Variants in PGR observed in about 807,000 individuals in gnomAD.
The protein encoded by PGR is progesterone receptor.
PGR carries 25 observed loss-of-function variants against 76.1 expected under a neutral mutation model. The ratio of observed to expected loss-of-function variants is 0.33; its 90% CI spans 0.24 to 0.46. PGR has a LOEUF of 0.46. Ranked by LOEUF, PGR falls within the 20% of genes least tolerant of loss-of-function variation. The pLI is 1.00. For missense variants in PGR, 1,172 were observed against 1,225.3 expected, an observed-to-expected ratio of 0.96 and a Z score of 0.65; for synonymous variants, 579 against 535.0, an observed-to-expected ratio of 1.08 and a Z score of -1.14.
Position 101,030,301 on chromosome 11 carries a change from TC to T in PGR, c.*8814del, listed in dbSNP as rs1256665996. The T allele has an allele frequency of 4.4e-6, 1 of 224,720 alleles. No homozygotes were observed. The highest frequency in any genetic ancestry group is 6.5e-5 in the East Asian group (1 of 15,420). The allele number at this position is 224,720 out of a possible 1,614,324, so 13.9% of individuals were successfully genotyped here. Reference sequence around the variant, plus strand: ...ACTTCAACACAAAAAAATGTGAATATCTACCATGTGCAAAACAGTCAAAGTA... The same window carrying T: ...ACTTCAACACAAAAAAATGTGAATATTACCATGTGCAAAACAGTCAAAGTA... On this transcript the variant is annotated 3_prime_UTR_variant, in exon 8 of 8. Coordinates refer to ENST00000325455, the MANE Select transcript of PGR (RefSeq NM_000926.4).
chr11:101,062,680 A>T lies in PGR; in HGVS notation c.1979T>A (p.Val660Glu). The change falls in exon 4 of 8, where the codon GTG becomes GAG. Residue 660 changes from valine to glutamate, a missense_variant. This residue lies in a region of PGR where 73 missense variants were observed against 60.7 expected (regional missense o/e 1.20). Coordinates refer to ENST00000325455, the MANE Select transcript of PGR (RefSeq NM_000926.4). ...ALDAVALPQP[V>E]GVPNESQALS... ...GGCTTGGCTTTCATTTGGAACGCCC[A>T]CTGGCTGTGGGAGAGCAACAGCATC... 1 of 1,614,004 alleles carries T rather than the reference A, an allele frequency of 6.2e-7. No homozygotes were observed.
In PGR at chr11:101,122,401, T is replaced by C. The variant is rs937107212; in HGVS notation, c.1789+3606A>G. Among the ~76,000 whole-genome samples, 4 of 152,216 alleles carry C rather than the reference T, an allele frequency of 2.6e-5. 1 individual carries two copies. Among genetic ancestry groups the C allele is most frequent in the Non-Finnish European group, 5.9e-5 (4 of 68,046 alleles). ...ATCTACTGGATGCCTAGTATATTCC[T>C]AGCACTGGGCTGGTTACTGTGTACT... On this transcript the variant is annotated intron_variant, in intron 2 of 7. Transcript: ENST00000325455.
At chr11:101,101,521 A>T (rs948407676) in intron 2 of PGR, among the ~76,000 whole-genome samples, 2 of 152,224 alleles carry the variant, frequency 1.3e-5, no homozygotes, top group African/African-American at 4.8e-5. Flanking sequence ...ATAGAGAATC[A>T]TCCTTTTGCA....
intron 4 of PGR, among the ~76,000 whole-genome samples, chr11:101,052,162 A>G (rs1392446130): frequency 1.3e-5 from 2 of 151,954 alleles, no homozygotes; most frequent in African/African-American, 2.4e-5. Flanking sequence ...TCTTTTAACA[A>G]CCCTTAACTA....
chr11:101,084,257 T>C (rs1291361581), intron 3 of PGR, among the ~76,000 whole-genome samples: 1 of 152,198 alleles, frequency 6.6e-6, no homozygotes, highest in Non-Finnish European at 1.5e-5. Flanking sequence ...CCTGTTAAGC[T>C]TGTAGAACTA....
chr11:101,058,877 C>G lies in PGR; in HGVS notation c.2212+3570G>C, dbSNP rs1198808674. On this transcript the variant is annotated intron_variant, in intron 4 of 7. Transcript: ENST00000325455. ...TAAATTTCTTTTCAATGGTTTCTTACCATTTGGGTGATTAAATCTCCCGAA... is the reference window on the plus strand; with the variant it reads ...TAAATTTCTTTTCAATGGTTTCTTAGCATTTGGGTGATTAAATCTCCCGAA... 3.9e-5 allele frequency among the ~76,000 whole-genome samples: 6 copies of G among 152,074 alleles called. No individual in the cohort carries two copies. In the East Asian group the frequency reaches 5.8e-4, roughly 15 times the overall value.
chr11:101,067,463 G>C (rs1458331586), intron 3 of PGR, among the ~76,000 whole-genome samples: 1 of 151,784 alleles, frequency 6.6e-6, no homozygotes, highest in East Asian at 1.9e-4. Flanking sequence ...AAACGGCAAG[G>C]ACACAGAATA....
intron 3 of PGR, among the ~76,000 whole-genome samples, chr11:101,068,861 A>G (rs1163938831): frequency 1.3e-5 from 2 of 152,216 alleles, no homozygotes; most frequent in African/African-American, 4.8e-5. Flanking sequence ...TAATACAAAA[A>G]TTAACTCAAG....
chr11:101,065,270 T>A (rs958808403), intron 3 of PGR, among the ~76,000 whole-genome samples: 1 of 141,246 alleles, frequency 7.1e-6, no homozygotes, highest in Non-Finnish European at 1.6e-5. Flanking sequence ...GCTAAGTTAT[T>A]AAAGTAGTTG....
chr11:101,096,878 C>G (rs1861850301), intron 2 of PGR, among the ~76,000 whole-genome samples: 1 of 152,126 alleles, frequency 6.6e-6, no homozygotes, highest in South Asian at 2.1e-4. Flanking sequence ...TATATTAAAC[C>G]ACTCAGAGCA....
At chr11:101,120,742 G>C (rs959107241) in intron 2 of PGR, among the ~76,000 whole-genome samples, 2 of 152,150 alleles carry the variant, frequency 1.3e-5, no homozygotes, top group Non-Finnish European at 2.9e-5. Flanking sequence ...ACAGATTAGA[G>C]GTATTGATCA....
Position 101,033,889 on chromosome 11 carries a change from T to A in PGR, c.*5227A>T, listed in dbSNP as rs1859428018. On this transcript the variant is annotated 3_prime_UTR_variant, in exon 8 of 8. Coordinates refer to ENST00000325455, the MANE Select transcript of PGR (RefSeq NM_000926.4). ...ATTTATATCTGATAAATTGAATACA[T>A]CAGGATTTGATGTATTAAGAGCAAT... The A allele has an allele frequency of 4.6e-6, 1 of 215,662 alleles. No homozygotes were observed. The highest frequency in any genetic ancestry group is 9.4e-6 in the Non-Finnish European group (1 of 106,932). 13.4% of individuals were successfully genotyped at this position (215,662 alleles called of 1,614,324 possible).
intron 6 of PGR, 106 bp downstream of exon 6, chr11:101,049,823 T>G: frequency 1.2e-6 from 1 of 854,486 alleles, no homozygotes; most frequent in South Asian, 1.5e-5. Context: ...ATACTTATAA[T>G]CCAAGACGTC....
intron 2 of PGR, among the ~76,000 whole-genome samples, chr11:101,094,837 A>T (rs1034492504): frequency 6.6e-6 from 1 of 152,260 alleles, no homozygotes; most frequent in Middle Eastern, 3.4e-3. Flanking sequence ...CCAATGTGAC[A>T]ATATTAAGAG....
rs566000199 is a variant in PGR at position 101,080,217 on chromosome 11, G to A, written c.1906+11543C>T. Reference sequence around the variant, plus strand: ...CTAAGACAATGGAGAGCTTTTGCTCGGAAACAAGGATCAAGTATATATCCA... The same window carrying A: ...CTAAGACAATGGAGAGCTTTTGCTCAGAAACAAGGATCAAGTATATATCCA... On this transcript the variant is annotated intron_variant, in intron 3 of 7. Coordinates refer to ENST00000325455, the MANE Select transcript of PGR (RefSeq NM_000926.4). 2.0e-3 allele frequency among the ~76,000 whole-genome samples: 300 copies of A among 152,124 alleles called. 2 individuals carry two copies. The highest frequency in any genetic ancestry group is 6.6e-3 in the African/African-American group (274 of 41,516).
At chr11:101,111,556 A>G (rs1862342630) in intron 2 of PGR, among the ~76,000 whole-genome samples, 1 of 152,170 alleles carries the variant, frequency 6.6e-6, no homozygotes, top group Middle Eastern at 3.4e-3. Flanking sequence ...AAACAACCAA[A>G]CAGCTAGCTG....
At chr11:101,095,003 G>A (rs1421184466) in intron 2 of PGR, among the ~76,000 whole-genome samples, 1 of 152,108 alleles carries the variant, frequency 6.6e-6, no homozygotes, top group Non-Finnish European at 1.5e-5. Flanking sequence ...TGGAATCTGT[G>A]CCACCTTGAT....
Position 101,107,616 on chromosome 11 carries a change from T to C in PGR, c.1790-15740A>G, listed in dbSNP as rs368225951. ...AACATTAAAAAATTACAAAACTATT[T>C]GTCAACAAAGTTGTTCATGTCCTTG... On this transcript the variant is annotated intron_variant, in intron 2 of 7. Coordinates refer to ENST00000325455, the MANE Select transcript of PGR (RefSeq NM_000926.4). 5.9e-5 allele frequency among the ~76,000 whole-genome samples: 9 copies of C among 152,314 alleles called. No homozygotes were observed. In the East Asian group the frequency reaches 1.2e-3, roughly 20 times the overall value.
intron 3 of PGR, chr11:101,063,299 T>TA (rs11571214): frequency 2.6e-5 from 4 of 152,688 alleles, no homozygotes; most frequent in Non-Finnish European, 5.8e-5. Flanking sequence ...ATTGATCCCT[T>TA]AAAATCAATC....
Sources: gnomAD v4.1 joint callset for allele counts (sites outside exome capture counted in the v4.1 genomes callset) on GRCh38, gnomAD v4.1.1 for gene constraint, gnomAD v4.1.1 regional missense constraint, MANE v1.5 for transcripts, NCBI Gene and HGNC (gene_info 2026-07-23, HGNC 2026-07-21) for gene names.